The following SLC38A9 variants were observed in gnomAD, a reference collection of about 807,000 sequenced individuals.
The protein encoded by SLC38A9 is solute carrier family 38 member 9, also known as neutral amino acid transporter 9.
A neutral mutation model predicts 62.3 loss-of-function variants in SLC38A9; 48 were observed. The ratio of observed to expected loss-of-function variants is 0.77; its 90% CI spans 0.61 to 0.98. The LOEUF is 0.98. Ranked by LOEUF, SLC38A9 falls within the 50% of genes least tolerant of loss-of-function variation. The pLI, the probability that SLC38A9 is intolerant of heterozygous loss-of-function variation, is 0.00. For synonymous variants in SLC38A9, 204 were observed against 227.7 expected (o/e 0.90, Z 0.94); for missense variants, 541 against 679.8 (o/e 0.80, Z 2.27).
At chr5:55,676,742 G>A (rs1399924926) in intron 3 of SLC38A9, among the ~76,000 whole-genome samples, 8 of 152,112 alleles carry the variant, frequency 5.3e-5, no homozygotes, top group African/African-American at 1.7e-4. Flanking sequence ...AGTATGCTAC[G>A]TAGGTACACA....
At chr5:55,632,341 G>C (rs1311395932) in intron 14 of SLC38A9, among the ~76,000 whole-genome samples, 1 of 152,194 alleles carries the variant, frequency 6.6e-6, no homozygotes, top group Non-Finnish European at 1.5e-5. Flanking sequence ...AGGAGGCTGA[G>C]GCAGGAGAAT....
chr5:55,687,888 A>G (rs545593069), intron 3 of SLC38A9, among the ~76,000 whole-genome samples: 2 of 152,106 alleles, frequency 1.3e-5, no homozygotes, highest in South Asian at 2.1e-4. Flanking sequence ...TAGTAGAGAC[A>G]GTGTTTCACT....
At chr5:55,689,308 G>A (rs763386639) in intron 3 of SLC38A9, among the ~76,000 whole-genome samples, 1 of 152,104 alleles carries the variant, frequency 6.6e-6, no homozygotes, top group Non-Finnish European at 1.5e-5. Flanking sequence ...ATTTCAGAAT[G>A]AGACTAAAAA....
chr5:55,656,107 A>T (rs1748372353), intron 9 of SLC38A9, among the ~76,000 whole-genome samples: 1 of 151,912 alleles, frequency 6.6e-6, no homozygotes, highest in Non-Finnish European at 1.5e-5. Flanking sequence ...GAAAATACTG[A>T]TTATTCACAG....
rs869297949 is a variant in SLC38A9 at position 55,678,645 on chromosome 5, C to CT, written c.114-5951dup. On this transcript the variant is annotated intron_variant, in intron 3 of 15. Coordinates refer to ENST00000396865, the MANE Select transcript of SLC38A9 (RefSeq NM_173514.4). ...AATTGTTGGATAAGACTGAAATGAA[C>CT]TTTTTTTTTTTTTTTTTTTTTTTTT... Among the ~76,000 whole-genome samples the CT allele has an allele frequency of 6.8e-4, 31 of 45,832 alleles. 6 individuals carry two copies. The highest frequency in any genetic ancestry group is 7.8e-4 in the Non-Finnish European group (18 of 23,086). The allele number at this position is 45,832 out of a possible 152,430, so 30.1% of individuals were successfully genotyped here. A position where few individuals can be genotyped will look rare whatever the true frequency, so the allele number is the denominator to read the frequency against.
intron 15 of SLC38A9, among the ~76,000 whole-genome samples, 161 bp from the exon 16 acceptor site, chr5:55,626,820 A>C (rs1351456569): frequency 6.6e-6 from 1 of 152,172 alleles, no homozygotes; most frequent in Admixed American, 6.5e-5. Flanking sequence ...TTTAAAACTT[A>C]CTTTACTTGC....
chr5:55,626,724 AC>A, intron 15 of SLC38A9, 65 bp from the exon 16 acceptor site: 1 of 1,397,092 alleles, frequency 7.2e-7, no homozygotes, highest in Non-Finnish European at 9.6e-7. Context: ...ATTAAGGTAA[AC>A]ATAGTACAAT....
At chr5:55,633,639 C>T in intron 14 of SLC38A9, 115 bp downstream of exon 14, 4 of 1,400,378 alleles carry the variant, frequency 2.9e-6, no homozygotes, top group Middle Eastern at 1.9e-4. Flanking sequence ...TATCTTTAGT[C>T]ACCACTTGCA....
intron 3 of SLC38A9, among the ~76,000 whole-genome samples, chr5:55,678,481 C>T (rs1752511980): frequency 6.6e-6 from 1 of 151,750 alleles, no homozygotes. Context: ...TCAATGAAAA[C>T]ACTAGTATTT....
At chr5:55,690,702 C>T (rs549993282) in intron 3 of SLC38A9, among the ~76,000 whole-genome samples, 34 of 152,294 alleles carry the variant, frequency 2.2e-4, no homozygotes, top group African/African-American at 7.7e-4. Flanking sequence ...CAGGATCTAT[C>T]TACTGTTACC....
chr5:55,650,048 G>A (rs1258237031), intron 10 of SLC38A9, among the ~76,000 whole-genome samples: 1 of 152,080 alleles, frequency 6.6e-6, no homozygotes, highest in African/African-American at 2.4e-5. Flanking sequence ...AGTATTTAAT[G>A]TGAGATGGTA....
At chr5:55,681,499 A>ATGGCAGT (rs772230864) in intron 3 of SLC38A9, among the ~76,000 whole-genome samples, 63 of 152,286 alleles carry the variant, frequency 4.1e-4, no homozygotes, top group East Asian at 1.9e-3. Context: ...CCTATGGTTT[A>ATGGCAGT]TGGCAGTTAA....
At chr5:55,656,524 G>A (rs895688226) in intron 9 of SLC38A9, among the ~76,000 whole-genome samples, 191 bp downstream of exon 9, 1 of 151,960 alleles carries the variant, frequency 6.6e-6, no homozygotes, top group African/African-American at 2.4e-5. Flanking sequence ...CCTATTGCTT[G>A]GTTACATTAA....
At chr5:55,652,020 T>C (rs1747579965) in intron 10 of SLC38A9, among the ~76,000 whole-genome samples, 1 of 124,208 alleles carries the variant, frequency 8.1e-6, no homozygotes, top group Non-Finnish European at 1.8e-5. Context: ...CTTTTCTCCA[T>C]GCCAAACTCC....
At chr5:55,693,316 C>T (rs897684718) in intron 3 of SLC38A9, 1 of 152,174 alleles carries the variant, frequency 6.6e-6, no homozygotes, top group African/African-American at 2.4e-5. Flanking sequence ...CAATTTTTCA[C>T]TTAACAAAAT....
At position 55,638,779 on chromosome 5, in the gene SLC38A9, CA is replaced by C. The variant is rs1744891507; in HGVS notation, c.1168-3123del. Among the ~76,000 whole-genome samples the C allele has an allele frequency of 2.0e-5, 3 of 152,038 alleles. No homozygotes were observed. In the South Asian group the frequency reaches 6.2e-4, roughly 32 times the overall value. Reference sequence around the variant, plus strand: ...ATATGAAGAAGGAAAAAGTAAATAACAAATCACAATATGAGGTATTTCAAAT... The same window carrying C: ...ATATGAAGAAGGAAAAAGTAAATAACAATCACAATATGAGGTATTTCAAAT... On this transcript the variant is annotated intron_variant, in intron 12 of 15. Transcript: ENST00000396865.
chr5:55,679,119 T>C (rs530214057), intron 3 of SLC38A9, among the ~76,000 whole-genome samples: 1 of 139,552 alleles, frequency 7.2e-6, no homozygotes, highest in Admixed American at 7.4e-5. Context: ...TAATTAAAAA[T>C]TTCTATTATG....
intron 2 of SLC38A9, among the ~76,000 whole-genome samples, chr5:55,705,923 A>G (rs1378090100): frequency 6.6e-6 from 1 of 151,998 alleles, no homozygotes; most frequent in Non-Finnish European, 1.5e-5. Flanking sequence ...TTGGCCAGGC[A>G]GGTCTCGAAC....
At chr5:55,665,560 GAAAA>G (rs982708973) in intron 7 of SLC38A9, among the ~76,000 whole-genome samples, 1 of 146,608 alleles carries the variant, frequency 6.8e-6, no homozygotes, top group African/African-American at 2.5e-5. Context: ...AAAAAAAAAA[GAAAA>G]AAAACAAAAG....
Sources: allele counts gnomAD v4.1 joint callset (sites outside exome capture counted in the v4.1 genomes callset), GRCh38; gene constraint gnomAD v4.1.1; transcripts MANE v1.5; gene names NCBI Gene and HGNC (gene_info 2026-07-23, HGNC 2026-07-21).